Variants in HSCB observed in about 807,000 individuals in gnomAD.
HSCB encodes HscB mitochondrial iron-sulfur cluster cochaperone, also known as iron-sulfur cluster co-chaperone protein HscB.
A neutral mutation model predicts 31.3 loss-of-function variants in HSCB; 23 were observed. The observed-to-expected ratio is 0.74, with a 90% confidence interval of 0.53 to 1.04. The LOEUF (loss-of-function observed/expected upper bound fraction) is 1.04, where lower values mean the gene tolerates loss of function less well. HSCB is among the 50% of genes least tolerant of loss of function. The pLI, the probability that HSCB is intolerant of heterozygous loss-of-function variation, is 0.00. For synonymous variants in HSCB, 110 were observed against 104.5 expected (o/e 1.05, Z -0.32); for missense variants, 297 against 288.1 (o/e 1.03, Z -0.22).
chr22:28,756,053 C>T (rs986582240), intron 5 of HSCB, among the ~76,000 whole-genome samples: 1 of 151,830 alleles, frequency 6.6e-6, no homozygotes, highest in Non-Finnish European at 1.5e-5. Context: ...TGAGAGCAGC[C>T]ATGGCCAACA....
Position 28,749,794 on chromosome 22 carries a change from G to A in HSCB, c.569-1447G>A, listed in dbSNP as rs1601397760. On this transcript the variant is annotated intron_variant, in intron 4 of 5. Coordinates refer to ENST00000216027, the MANE Select transcript of HSCB (RefSeq NM_172002.5). ...CAGCTGCCCAATTTTAGACGTCAGG[G>A]CAGCATGAAGATCTGGAGTGAGGGC... is the stretch of plus-strand genomic sequence containing the variant. Among the ~76,000 whole-genome samples the A allele has an allele frequency of 3.3e-5, 5 of 152,242 alleles. No individual in the cohort carries two copies. The Middle Eastern group carries it at 0.017, about 518-fold the overall frequency.
In HSCB at chr22:28,742,103, G is replaced by C. The variant is rs773496551; in HGVS notation, c.8G>C (p.Arg3Pro). Residue 3 changes from arginine (R) to proline (P), a missense_variant, in exon 1 of 6, where the codon CGG (arginine) becomes CCG (proline). Physicochemically the swap from Arg to Pro is moderately radical, Grantham distance 103. Coordinates refer to ENST00000216027, the MANE Select transcript of HSCB (RefSeq NM_172002.5). MW[R>P]GRAGALLRVW... is the part of the protein sequence containing the mutation. ...AGATAGGCCGCCGGCCAGATGTGGC[G>C]GGGGAGAGCCGGGGCTTTGCTCCGG... is the stretch of plus-strand genomic sequence containing the variant. 3.1e-6 allele frequency: 5 copies of C among 1,597,004 alleles called. No homozygotes were observed. Among genetic ancestry groups the C allele is most frequent in the Admixed American group, 3.5e-5 (2 of 57,484 alleles).
rs767386488 is a variant in HSCB, at chr22:28,757,063, CTCTG to C, written c.617-11_617-8del. 33 of 1,419,868 alleles carry C rather than the reference CTCTG, an allele frequency of 2.3e-5. No individual in the cohort carries two copies. Among genetic ancestry groups the C allele is most frequent in the South Asian group, 1.1e-4 (10 of 86,994 alleles). 88.0% of individuals were successfully genotyped at this position (1,419,868 alleles called of 1,614,324 possible). On this transcript the variant is annotated splice_polypyrimidine_tract_variant and intron_variant, in intron 5 of 5. Coordinates refer to ENST00000216027, the MANE Select transcript of HSCB (RefSeq NM_172002.5). The stretch of plus-strand genomic sequence containing the variant: ...TTGAAATGAAGCCTGACTTCAGTGT[CTCTG>C]TCTATTTCAGATGACTTTGAAGAAG...
chr22:28,743,772 TAAC>T, intron 1 of HSCB, 107 bp from the exon 2 acceptor site: 4 of 875,526 alleles, frequency 4.6e-6, no homozygotes, highest in Admixed American at 1.9e-5. Flanking sequence ...TTTTTGAAAT[TAAC>T]TGCTTATATG....
At chr22:28,744,582 T>C (rs2054652185) in intron 2 of HSCB, 33 bp from the exon 3 acceptor site, 6 of 1,450,098 alleles carry the variant, frequency 4.1e-6, no homozygotes, top group Admixed American at 1.7e-5. Context: ...GTGATTTGGA[T>C]GGTAATAGTA....
At chr22:28,751,828 G>A (rs906072364) in intron 5 of HSCB, among the ~76,000 whole-genome samples, 36 of 152,082 alleles carry the variant, frequency 2.4e-4, no homozygotes, top group African/African-American at 7.5e-4. Context: ...AGTGACTCAC[G>A]CCTGTTATCC....
intron 1 of HSCB, 76 bp from the exon 2 acceptor site, chr22:28,743,806 G>A (rs2054636394): frequency 7.9e-7 from 1 of 1,265,810 alleles, no homozygotes; most frequent in Non-Finnish European, 1.1e-6. Context: ...TTCCCCATAA[G>A]AGCAAGAACC....
intron 1 of HSCB, among the ~76,000 whole-genome samples, chr22:28,743,292 G>C (rs974854804): frequency 2.6e-5 from 4 of 152,098 alleles, no homozygotes; most frequent in African/African-American, 9.7e-5. Context: ...CCACCTGGGG[G>C]ATAGTAGAGG....
In HSCB at chr22:28,743,906, A is replaced by G. The variant is rs746328531; in HGVS notation, c.261A>G (p.Thr87=). 1.2e-6 allele frequency: 2 copies of G among 1,614,050 alleles called. No individual in the cohort carries two copies. Among genetic ancestry groups the G allele is most frequent in the Admixed American group, 3.3e-5 (2 of 60,008 alleles). ...GCAACCGTTCCTTCAGAGTTGATAC[A>G]GCGAAGCTCCAGCACAGGTACCAGC... The part of the protein sequence containing the change: ...MDCNRSFRVD[T]AKLQHRYQQL... Residue 87 remains threonine (T), a synonymous_variant, in exon 2 of 6, where the codon ACA becomes ACG. Transcript: ENST00000216027.
intron 5 of HSCB, among the ~76,000 whole-genome samples, chr22:28,753,251 C>T (rs2030378868): frequency 1.3e-5 from 2 of 152,084 alleles, no homozygotes; most frequent in African/African-American, 2.4e-5. Context: ...TTAGACCGGG[C>T]GTGGTGGCTC....
At chr22:28,750,274 A>C (rs1219555406) in intron 4 of HSCB, among the ~76,000 whole-genome samples, 14 of 138,664 alleles carry the variant, frequency 1.0e-4, no homozygotes, top group Admixed American at 9.7e-4. Flanking sequence ...AAAAAAAAAA[A>C]AACACTTATT....
intron 1 of HSCB, among the ~76,000 whole-genome samples, 182 bp from the exon 2 acceptor site, chr22:28,743,698 CTT>C (rs1384161484): frequency 6.6e-6 from 1 of 152,222 alleles, no homozygotes; most frequent in Admixed American, 6.5e-5. Context: ...AGTGTCATCT[CTT>C]TGTCCACTAC....
chr22:28,754,481 C>A (rs1288474990), intron 5 of HSCB, among the ~76,000 whole-genome samples: 1 of 152,000 alleles, frequency 6.6e-6, no homozygotes, highest in Non-Finnish European at 1.5e-5. Context: ...ACCAGCCTGA[C>A]CAACATGGTG....
At chr22:28,744,899 A>C (rs2054659062) in intron 3 of HSCB, among the ~76,000 whole-genome samples, 195 bp downstream of exon 3, 1 of 151,986 alleles carries the variant, frequency 6.6e-6, no homozygotes, top group African/African-American at 2.4e-5. Context: ...CCTGGGCAAC[A>C]TGATGACACC....
chr22:28,742,583 A>T, intron 1 of HSCB: 1 of 455,136 alleles, frequency 2.2e-6, no homozygotes, highest in Non-Finnish European at 3.7e-6. Context: ...CTGAAGTTAG[A>T]GGAAATAGGG....
At chr22:28,747,894 GTTCC>G (rs66464262) in intron 4 of HSCB, among the ~76,000 whole-genome samples, 16,515 of 151,686 alleles carry the variant, frequency 0.11, 1,163 homozygotes, top group South Asian at 0.29. Flanking sequence ...AAAAAAATCT[GTTCC>G]TCTTAGGCTG....
chr22:28,751,416 A>C, intron 5 of HSCB, 128 bp downstream of exon 5: 1 of 562,120 alleles, frequency 1.8e-6, no homozygotes, highest in East Asian at 3.1e-5. Context: ...TGAAATACTT[A>C]TGAGTCTACA....
At chr22:28,750,105 C>T (rs2030108315) in intron 4 of HSCB, among the ~76,000 whole-genome samples, 1 of 151,666 alleles carries the variant, frequency 6.6e-6, no homozygotes, top group Non-Finnish European at 1.5e-5. Context: ...CAAAATTAGC[C>T]GGGCATGGTG....
chr22:28,743,877 TC>T lies in HSCB; in HGVS notation c.237-3del, dbSNP rs772443365. 1.2e-6 allele frequency: 2 copies of T among 1,613,024 alleles called. No homozygotes were observed. The highest frequency in any genetic ancestry group is 1.7e-6 in the Non-Finnish European group (2 of 1,179,142). ...TATAAATTTAATCTCCCAATTTCCT[TC>T]CAGCAACCGTTCCTTCAGAGTTGAT... On this transcript the variant is annotated splice_region_variant and splice_polypyrimidine_tract_variant and intron_variant, in intron 1 of 5. Coordinates refer to ENST00000216027, the MANE Select transcript of HSCB (RefSeq NM_172002.5).
Sources: gnomAD v4.1 joint callset for allele counts (sites outside exome capture counted in the v4.1 genomes callset) on GRCh38, gnomAD v4.1.1 for gene constraint, MANE v1.5 for transcripts, NCBI Gene and HGNC (gene_info 2026-07-23, HGNC 2026-07-21) for gene names.